Variants in CNTNAP3 observed in about 807,000 individuals in gnomAD.
CNTNAP3 encodes the protein contactin-associated protein-like 3.
Under a neutral mutation model 92.1 loss-of-function variants are expected in CNTNAP3, and 36 were observed. That is an observed-to-expected ratio of 0.39 (90% CI 0.30 to 0.52). The LOEUF (loss-of-function observed/expected upper bound fraction) is 0.52, where lower values mean the gene tolerates loss of function less well. CNTNAP3 is among the 20% of genes least tolerant of loss of function. The pLI, the probability that CNTNAP3 is intolerant of heterozygous loss-of-function variation, is 0.76. For synonymous variants in CNTNAP3, 232 were observed against 422.3 expected (o/e 0.55, Z 5.53); for missense variants, 534 against 1,069.6 (o/e 0.50, Z 6.98).
rs201409748 is a variant in CNTNAP3, at chr9:39,087,481, A to AT, written c.3221-633dup. On this transcript the variant is annotated intron_variant, in intron 19 of 23. Transcript: ENST00000297668. The stretch of plus-strand genomic sequence containing the variant: ...TATACTAAGATCCTGTTAATCGGAG[A>AT]TTTTTTTTTTTGTTTGTTTGTTTGA... Among the ~76,000 whole-genome samples the AT allele has an allele frequency of 3.5e-3, 388 of 111,312 alleles. 1 individual carries two copies. Among genetic ancestry groups the AT allele is most frequent in the African/African-American group, 8.8e-3 (263 of 30,052 alleles). The allele number at this position is 111,312 out of a possible 152,430, so 73.0% of individuals were successfully genotyped here.
rs1820958567 is a variant in CNTNAP3 at position 39,119,778 on chromosome 9, GA to G, written c.2081-1520del. Among the ~76,000 whole-genome samples, 3 of 152,238 alleles carry G rather than the reference GA, an allele frequency of 2.0e-5. No homozygotes were observed. In the South Asian group the frequency reaches 6.2e-4, roughly 32 times the overall value. ...CAACCGAAGAGAATTCTGAAAGGTA[GA>G]AAGAGGAAGCTTAGGACCCCAGGAC... On this transcript the variant is annotated intron_variant, in intron 13 of 23. Transcript: ENST00000297668.
rs925055712 is a variant in CNTNAP3 at position 39,100,103 on chromosome 9, G to C, written c.2803C>G (p.Leu935Val). The C allele has an allele frequency of 1.3e-6, 2 of 1,586,356 alleles. No individual in the cohort carries two copies. Among genetic ancestry groups the C allele is most frequent in the Non-Finnish European group, 8.6e-7 (1 of 1,163,940 alleles). The change falls in exon 18 of 24, where the codon CTG becomes GTG. Residue 935 changes from leucine to valine, a missense_variant. Coordinates refer to ENST00000297668, the MANE Select transcript of CNTNAP3 (RefSeq NM_033655.5). The part of the protein sequence containing the change: ...QRGFLGCIRS[L>V]QLNGVALDLE... ...TCCAGGGCCACCCCGTTCAACTGCA[G>C]AGACCGAATGCATCCTAGAAAGCCT...
chr9:39,099,256 T>G (rs1301468704), intron 18 of CNTNAP3, among the ~76,000 whole-genome samples: 1 of 152,070 alleles, frequency 6.6e-6, no homozygotes, highest in Non-Finnish European at 1.5e-5. Context: ...GCCCAGCCCT[T>G]TTCTTTTGAA....
chr9:39,105,244 G>A (rs1268797709), intron 15 of CNTNAP3, among the ~76,000 whole-genome samples: 45 of 152,130 alleles, frequency 3.0e-4, no homozygotes, highest in Non-Finnish European at 1.6e-4. Context: ...TGGCTAACAT[G>A]GTGAAACCCC....
At chr9:39,141,855 T>C (rs1262160668) in intron 11 of CNTNAP3, among the ~76,000 whole-genome samples, 2 of 152,200 alleles carry the variant, frequency 1.3e-5, no homozygotes, top group Non-Finnish European at 2.9e-5. Flanking sequence ...TATTAATGTA[T>C]AGTATATATC....
intron 13 of CNTNAP3, among the ~76,000 whole-genome samples, chr9:39,131,468 GAGGGATCACCCTGGGA>G: frequency 6.6e-6 from 1 of 151,886 alleles, no homozygotes; most frequent in South Asian, 2.1e-4. Context: ...CCAGGGGAGA[GAGGGATCACCCTGGGA>G]AGGGACCCAG....
intron 14 of CNTNAP3, among the ~76,000 whole-genome samples, chr9:39,114,003 T>C (rs1454784546): frequency 4.2e-5 from 6 of 142,972 alleles, no homozygotes; most frequent in Non-Finnish European, 8.9e-5. Flanking sequence ...CACACACACA[T>C]ATATATACAC....
At chr9:39,149,665 ATAG>A (rs1416970841) in intron 10 of CNTNAP3, 138 bp downstream of exon 10, 1 of 1,194,364 alleles carries the variant, frequency 8.4e-7, no homozygotes, top group Non-Finnish European at 1.2e-6. Flanking sequence ...TCTAATCCTC[ATAG>A]TAATTATGAC....
chr9:39,120,805 G>T (rs537125721), intron 13 of CNTNAP3, among the ~76,000 whole-genome samples: 3 of 152,212 alleles, frequency 2.0e-5, no homozygotes, highest in East Asian at 3.9e-4. Context: ...AGGATTCTTG[G>T]AACATCAGGA....
chr9:39,133,149 G>T lies in CNTNAP3; in HGVS notation c.1877-14C>A, dbSNP rs1311148432. 15 of 1,568,166 alleles carry T rather than the reference G, an allele frequency of 9.6e-6. No individual in the cohort carries two copies. Among genetic ancestry groups the T allele is most frequent in the Non-Finnish European group, 1.2e-5 (14 of 1,162,256 alleles). On this transcript the variant is annotated splice_polypyrimidine_tract_variant and intron_variant, in intron 12 of 23. Coordinates refer to ENST00000297668, the MANE Select transcript of CNTNAP3 (RefSeq NM_033655.5). ...ACGCGGCGTCTGCTGAGCAGAAACG[G>T]GCAAAGGAGAGGCATCACTGGACGG...
At chr9:39,099,384 T>C (rs937722096) in intron 18 of CNTNAP3, among the ~76,000 whole-genome samples, 2 of 152,168 alleles carry the variant, frequency 1.3e-5, no homozygotes, top group African/African-American at 4.8e-5. Flanking sequence ...AATATTTAAA[T>C]ATTATTTTCC....
intron 10 of CNTNAP3, among the ~76,000 whole-genome samples, chr9:39,146,293 G>A (rs11791321): frequency 0.092 from 13,923 of 151,934 alleles, 649 homozygotes; most frequent in African/African-American, 0.13. Context: ...GGGAGCCCCA[G>A]TTGGAATGCA....
At chr9:39,131,214 G>C (rs1821285285) in intron 13 of CNTNAP3, among the ~76,000 whole-genome samples, 1 of 151,820 alleles carries the variant, frequency 6.6e-6, no homozygotes, top group East Asian at 1.9e-4. Context: ...TAAAAAACTG[G>C]AGAACTGGGA....
intron 18 of CNTNAP3, among the ~76,000 whole-genome samples, chr9:39,092,919 G>C (rs1826240094): frequency 7.0e-6 from 1 of 143,294 alleles, no homozygotes; most frequent in African/African-American, 2.6e-5. Flanking sequence ...GTTTGTAATT[G>C]TTATATCTTT....
intron 17 of CNTNAP3, 86 bp from the exon 18 acceptor site, chr9:39,100,236 A>T (rs1826424392): frequency 6.7e-7 from 1 of 1,491,734 alleles, no homozygotes; most frequent in Admixed American, 2.3e-5. Context: ...GGCCTTATGG[A>T]GAGTGGCAAT....
intron 15 of CNTNAP3, among the ~76,000 whole-genome samples, chr9:39,104,466 G>GCACATA (rs1214564486): frequency 2.9e-4 from 32 of 112,262 alleles, no homozygotes; most frequent in African/African-American, 5.5e-4. Flanking sequence ...TTTCCTTCCT[G>GCACATA]CACATACACA....
chr9:39,082,391 A>G (rs1825965302), intron 21 of CNTNAP3, among the ~76,000 whole-genome samples: 1 of 152,016 alleles, frequency 6.6e-6, no homozygotes, highest in Non-Finnish European at 1.5e-5. Flanking sequence ...GAGAATCTTG[A>G]TGATAACTTA....
At chr9:39,076,914 G>T (rs1262552505) in intron 23 of CNTNAP3, among the ~76,000 whole-genome samples, 2 of 152,296 alleles carry the variant, frequency 1.3e-5, no homozygotes, top group African/African-American at 4.8e-5. Flanking sequence ...CCAAGATGGC[G>T]CCACTGCACT....
chr9:39,080,232 G>T (rs1758484), intron 21 of CNTNAP3, among the ~76,000 whole-genome samples: 3 of 135,642 alleles, frequency 2.2e-5, no homozygotes, highest in African/African-American at 9.8e-5. Flanking sequence ...TGCCAATTTG[G>T]TTTTAACCCA....
Sources: gnomAD v4.1 joint callset for allele counts (sites outside exome capture counted in the v4.1 genomes callset) on GRCh38, gnomAD v4.1.1 for gene constraint, MANE v1.5 for transcripts, NCBI Gene and HGNC (gene_info 2026-07-23, HGNC 2026-07-21) for gene names.